KCNIP4: variants seen among roughly 807,000 people sequenced by gnomAD.
KCNIP4 encodes Kv channel-interacting protein 4.
In KCNIP4, 12 loss-of-function variants were observed where a neutral mutation model predicts 34.0. That is an observed-to-expected ratio of 0.35 (90% CI 0.23 to 0.57). The LOEUF (loss-of-function observed/expected upper bound fraction) is 0.57. Ranked by LOEUF, KCNIP4 falls within the 20% of genes least tolerant of loss-of-function variation. The pLI is 0.83. For missense variants in KCNIP4, 238 were observed against 311.7 expected (o/e 0.76, Z 1.78); for synonymous variants, 124 against 102.2 (o/e 1.21, Z -1.29).
chr4:21,938,865 A>G (rs764279425), intron 1 of KCNIP4, among the ~76,000 whole-genome samples: 1 of 152,190 alleles, frequency 6.6e-6, no homozygotes, highest in African/African-American at 2.4e-5. Context: ...TTAAACAATT[A>G]ACATATCTTT....
intron 1 of KCNIP4, among the ~76,000 whole-genome samples, chr4:21,440,646 T>G (rs1727389406): frequency 6.7e-6 from 1 of 148,824 alleles, no homozygotes; most frequent in South Asian, 2.1e-4. Flanking sequence ...TACTCTGTAT[T>G]AACACATCTG....
chr4:21,869,553 C>T (rs1188626278), intron 1 of KCNIP4, among the ~76,000 whole-genome samples: 1 of 152,116 alleles, frequency 6.6e-6, no homozygotes, highest in Non-Finnish European at 1.5e-5. Flanking sequence ...TCCAGGGCCC[C>T]AGACTTTGTT....
At chr4:20,851,340 A>C (rs1460558206) in intron 2 of KCNIP4, among the ~76,000 whole-genome samples, 1 of 152,124 alleles carries the variant, frequency 6.6e-6, no homozygotes, top group Admixed American at 6.5e-5. Context: ...AACTCCATCT[A>C]TGTGCCTGCA....
rs563174669 is a variant in KCNIP4 at position 21,409,778 on chromosome 4, G to A, written c.62-527069C>T. On this transcript the variant is annotated intron_variant, in intron 1 of 8. Coordinates refer to ENST00000382152, the MANE Select transcript of KCNIP4 (RefSeq NM_025221.6). ...AATAAATGTATGTGAGTGTATGAGT[G>A]ATGGGAACTGAGGGGACCATGCATG... is the stretch of plus-strand genomic sequence containing the variant. Among the ~76,000 whole-genome samples, 96 of 152,292 alleles carry A rather than the reference G, an allele frequency of 6.3e-4. 1 individual carries two copies. The highest frequency in any genetic ancestry group is 2.2e-3 in the African/African-American group (92 of 41,566).
At chr4:20,793,796 A>T (rs565161294) in intron 3 of KCNIP4, among the ~76,000 whole-genome samples, 1 of 151,070 alleles carries the variant, frequency 6.6e-6, no homozygotes, top group South Asian at 2.1e-4. Flanking sequence ...GTGATGGGAG[A>T]TAGTGACAGA....
chr4:20,773,545 G>C (rs887732775), intron 3 of KCNIP4, among the ~76,000 whole-genome samples: 2 of 152,162 alleles, frequency 1.3e-5, no homozygotes, highest in South Asian at 2.1e-4. Flanking sequence ...GGCGCTCAGC[G>C]TGAGTTGGAC....
At chr4:21,774,511 G>T (rs1214170472) in intron 1 of KCNIP4, among the ~76,000 whole-genome samples, 2 of 152,072 alleles carry the variant, frequency 1.3e-5, no homozygotes, top group Non-Finnish European at 2.9e-5. Flanking sequence ...AGTTCTCCTG[G>T]GTAATATCCT....
At chr4:21,539,702 C>A (rs577373957) in intron 1 of KCNIP4, among the ~76,000 whole-genome samples, 1 of 152,040 alleles carries the variant, frequency 6.6e-6, no homozygotes, top group Admixed American at 6.5e-5. Flanking sequence ...TTTGTGAGGC[C>A]GGGCACAGTG....
chr4:21,474,592 A>G (rs1346770768), intron 1 of KCNIP4, among the ~76,000 whole-genome samples: 4 of 152,202 alleles, frequency 2.6e-5, no homozygotes, highest in Non-Finnish European at 5.9e-5. Context: ...CATTATCTAT[A>G]GTGATCATAC....
At chr4:21,556,920 C>CAAAAAAAAAAAAAACAAAA (rs1281543089) in intron 1 of KCNIP4, among the ~76,000 whole-genome samples, 2 of 35,660 alleles carry the variant, frequency 5.6e-5, no homozygotes, top group African/African-American at 2.1e-4. Flanking sequence ...GACTCCATCT[C>CAAAAAAAAAAAAAACAAAA]AGAAAAAAAA....
chr4:21,280,483 CA>C (rs1448472454), intron 1 of KCNIP4, among the ~76,000 whole-genome samples: 1 of 152,168 alleles, frequency 6.6e-6, no homozygotes, highest in African/African-American at 2.4e-5. Flanking sequence ...CTAGTAACAG[CA>C]AAAGCCTCCA....
chr4:21,904,943 A>G (rs938836448), intron 1 of KCNIP4, among the ~76,000 whole-genome samples: 12 of 152,280 alleles, frequency 7.9e-5, no homozygotes, highest in African/African-American at 2.9e-4. Context: ...ATCACTTAAC[A>G]TAGTACTTAG....
chr4:21,348,837 T>C (rs1234067249), intron 1 of KCNIP4, among the ~76,000 whole-genome samples: 1 of 152,142 alleles, frequency 6.6e-6, no homozygotes, highest in Non-Finnish European at 1.5e-5. Flanking sequence ...ATGAGTGCCA[T>C]GAGTTCTGGG....
intron 1 of KCNIP4, among the ~76,000 whole-genome samples, chr4:20,914,065 G>A (rs1008742479): frequency 1.3e-5 from 2 of 152,016 alleles, no homozygotes; most frequent in South Asian, 2.1e-4. Flanking sequence ...GCTGAGGCAG[G>A]AGAATCGCTT....
intron 1 of KCNIP4, among the ~76,000 whole-genome samples, chr4:21,347,065 C>T (rs1017753179): frequency 6.6e-6 from 1 of 152,282 alleles, no homozygotes; most frequent in East Asian, 1.9e-4. Context: ...AGTTCTGCAA[C>T]CTTCTAGCTG....
chr4:20,856,681 A>G (rs1721615433), intron 2 of KCNIP4, among the ~76,000 whole-genome samples: 1 of 152,168 alleles, frequency 6.6e-6, no homozygotes, highest in Admixed American at 6.6e-5. Flanking sequence ...TTGCTGCCCT[A>G]TAGGGAAATA....
At chr4:20,960,335 G>T (rs533973138) in intron 1 of KCNIP4, among the ~76,000 whole-genome samples, 1 of 152,246 alleles carries the variant, frequency 6.6e-6, no homozygotes, top group Non-Finnish European at 1.5e-5. Flanking sequence ...GATATGGTTG[G>T]CCAGGTTTCT....
intron 1 of KCNIP4, among the ~76,000 whole-genome samples, chr4:21,385,174 T>C (rs980271608): frequency 2.0e-5 from 3 of 152,248 alleles, no homozygotes; most frequent in East Asian, 3.9e-4. Flanking sequence ...TAGATTTAGA[T>C]GAAAGTGTTG....
intron 1 of KCNIP4, among the ~76,000 whole-genome samples, chr4:21,669,406 T>G (rs1446674836): frequency 6.6e-6 from 1 of 152,228 alleles, no homozygotes; most frequent in East Asian, 1.9e-4. Flanking sequence ...GCCATAATTT[T>G]CTTAATAACA....
Sources: gnomAD v4.1 joint callset for allele counts (sites outside exome capture counted in the v4.1 genomes callset) on GRCh38, gnomAD v4.1.1 for gene constraint, MANE v1.5 for transcripts, NCBI Gene and HGNC (gene_info 2026-07-23, HGNC 2026-07-21) for gene names.